SOHLH1: variants seen among roughly 807,000 people sequenced by gnomAD.
The protein encoded by SOHLH1 is spermatogenesis and oogenesis specific basic helix-loop-helix 1, also known as spermatogenesis- and oogenesis-specific basic helix-loop-helix-containing protein 1.
SOHLH1 carries 23 observed loss-of-function variants against 36.2 expected under a neutral mutation model. The ratio of observed to expected loss-of-function variants is 0.64; its 90% confidence interval spans 0.46 to 0.90. SOHLH1 has a LOEUF of 0.90. SOHLH1 is among the 40% of genes least tolerant of loss of function. SOHLH1 has a pLI of 0.00. For missense variants in SOHLH1, 608 were observed against 517.0 expected, an observed-to-expected ratio of 1.18 and a Z score of -1.71; for synonymous variants, 289 against 228.3, an observed-to-expected ratio of 1.27 and a Z score of -2.40.
upstream of SOHLH1, chr9:135,699,658 G>A (rs546968357): frequency 3.7e-4 from 244 of 655,182 alleles, 2 homozygotes; most frequent in Admixed American, 7.1e-4. Context: ...CGTGACCCGC[G>A]TTCCTGCAAA....
intron 4 of SOHLH1, among the ~76,000 whole-genome samples, chr9:135,697,066 G>A (rs890617542): frequency 2.0e-5 from 3 of 152,198 alleles, no homozygotes; most frequent in African/African-American, 7.2e-5. Flanking sequence ...AGCCTGCTTT[G>A]GGGTAAAATG....
intron 5 of SOHLH1, among the ~76,000 whole-genome samples, chr9:135,696,378 C>T (rs898054391): frequency 1.3e-5 from 2 of 152,124 alleles, no homozygotes; most frequent in Admixed American, 6.5e-5. Context: ...CTCCCTTCCT[C>T]GAGCCACACT....
rs769549005 is a variant in SOHLH1 at position 135,695,245 on chromosome 9, G to C, written c.680C>G (p.Pro227Arg). The C allele has an allele frequency of 5.6e-6, 9 of 1,598,358 alleles. No individual in the cohort carries two copies. The highest frequency in any genetic ancestry group is 1.7e-5 in the Admixed American group (1 of 57,446). ...PPFSEPSSLV[P>R]WPPGRSLPKA... ...AGGAAGACTCCGGCCTGGGGGCCAC[G>C]GCACCAGGCTGGAAGGTTCTGGGAG... The change falls in exon 6 of 8, where the codon CCG (proline) becomes CGG (arginine). Residue 227 changes from proline (P) to arginine (R), a missense_variant. Physicochemically the swap from Pro to Arg is moderately radical, Grantham distance 103. Transcript: ENST00000425225.
In SOHLH1 at chr9:135,697,590, T is replaced by G; in HGVS notation, c.383A>C (p.Gln128Pro). The G allele has an allele frequency of 6.2e-7, 1 of 1,612,296 alleles. No homozygotes were observed. The highest frequency in any genetic ancestry group is 1.1e-5 in the South Asian group (1 of 91,066). ...CAACGTCAACTGTAAAACATCCTCC[T>G]GCAACGAGTGCCACATTTCCTTGGA... The part of the protein sequence containing the change: ...ASSKEMWHSL[Q>P]EDVLQLTLSS... Residue 128 changes from glutamine (Q) to proline (P), a missense_variant, in exon 4 of 8, where the codon CAG (glutamine) becomes CCG (proline). Gln to Pro is a moderately conservative substitution (Grantham distance 76). Transcript: ENST00000425225.
intron 7 of SOHLH1, 36 bp from the exon 8 acceptor site, chr9:135,693,850 G>T: frequency 2.6e-6 from 4 of 1,526,856 alleles, no homozygotes; most frequent in Non-Finnish European, 3.5e-6. Context: ...AGGGCAGGCA[G>T]GTGCTCTGGG....
Position 135,695,071 on chromosome 9 carries a change from G to A in SOHLH1, c.854C>T (p.Pro285Leu), listed in dbSNP as rs1295920535. The A allele has an allele frequency of 3.8e-6, 6 of 1,597,352 alleles. No homozygotes were observed. Among genetic ancestry groups the A allele is most frequent in the Non-Finnish European group, 5.1e-6 (6 of 1,174,290 alleles). Residue 285 changes from proline (P) to leucine (L), a missense_variant, in exon 6 of 8, where the codon CCC (proline) becomes CTC (leucine). Pro to Leu is a moderately conservative substitution (Grantham distance 98, BLOSUM62 -3). Coordinates refer to ENST00000425225, the MANE Select transcript of SOHLH1 (RefSeq NM_001101677.2). ...TCACCCGGCCTCCTGCGCCAGCATGGGGTCCTCCTTGGCTGGCTCCCCCAG... is the reference window on the plus strand; with the variant it reads ...TCACCCGGCCTCCTGCGCCAGCATGAGGTCCTCCTTGGCTGGCTCCCCCAG... The part of the protein sequence containing the change: ...APLGEPAKED[P>L]MLAQEAGSAL...
At chr9:135,699,774 C>T (rs928913340), upstream of SOHLH1, among the ~76,000 whole-genome samples, 5 of 151,956 alleles carry the variant, frequency 3.3e-5, no homozygotes, top group Admixed American at 1.3e-4. Context: ...CCTTACCTTC[C>T]CGGGGGTCGC....
At position 135,696,614 on chromosome 9, in the gene SOHLH1, G is replaced by A; in HGVS notation, c.659C>T (p.Ser220Leu). Reference protein sequence around the residue: ...CQVRGGLPPFSEPSSLVPWPP... With the variant: ...CQVRGGLPPFLEPSSLVPWPP... Reference sequence around the variant, plus strand: ...CCACATGCACACCCAGGACTCACCTGAGAAAGGGGGCAGCCCACCCCGCAC... The same window carrying A: ...CCACATGCACACCCAGGACTCACCTAAGAAAGGGGGCAGCCCACCCCGCAC... Residue 220 changes from serine to leucine, a missense_variant and splice_region_variant, in exon 5 of 8, where the codon TCA becomes TTA. By Grantham distance (145) the Ser-to-Leu change is moderately radical. Transcript: ENST00000425225. 1 of 1,612,260 alleles carries A rather than the reference G, an allele frequency of 6.2e-7. No individual in the cohort carries two copies. Among genetic ancestry groups the A allele is most frequent in the Non-Finnish European group, 8.5e-7 (1 of 1,179,702 alleles).
chr9:135,696,236 C>G (rs1163475430), intron 5 of SOHLH1, among the ~76,000 whole-genome samples: 1 of 143,672 alleles, frequency 7.0e-6, no homozygotes, highest in Non-Finnish European at 1.6e-5. Context: ...CCCTCTACGT[C>G]CCCATGCTTC....
At position 135,694,055 on chromosome 9, in the gene SOHLH1, G is replaced by A. The variant is rs879136871; in HGVS notation, c.947-241C>T. 4.6e-5 allele frequency: 66 copies of A among 1,425,830 alleles called. No individual in the cohort carries two copies. Among genetic ancestry groups the A allele is most frequent in the South Asian group, 3.1e-4 (20 of 64,996 alleles). The allele number at this position is 1,425,830 out of a possible 1,614,324, so 88.3% of individuals were successfully genotyped here. A position where few individuals can be genotyped will look rare whatever the true frequency, so the allele number is the denominator to read the frequency against. ...TAAATCCTAAATGGAATGGACACAC[G>A]CCATGTCACAGGGCCATACACCTTT... On this transcript the variant is annotated intron_variant, in intron 7 of 7. Transcript: ENST00000425225.
rs373614932 is a variant in SOHLH1, at chr9:135,696,600, C to A, written c.661+12G>T. On this transcript the variant is annotated intron_variant, in intron 5 of 7. Transcript: ENST00000425225. Reference sequence around the variant, plus strand: ...AGGCCAAAGGCACCCCACATGCACACCCAGGACTCACCTGAGAAAGGGGGC... The same window carrying A: ...AGGCCAAAGGCACCCCACATGCACAACCAGGACTCACCTGAGAAAGGGGGC... The A allele has an allele frequency of 1.9e-6, 3 of 1,611,666 alleles. No individual in the cohort carries two copies. The highest frequency in any genetic ancestry group is 2.5e-6 in the Non-Finnish European group (3 of 1,179,632).
Position 135,693,778 on chromosome 9 carries a change from C to T in SOHLH1, c.983G>A (p.Trp328Ter). ...LEGRGGSGPA[W>*]APAESSPLDV... ...CAGTGGACTGCTCTCAGCTGGGGCC[C>T]ATGCAGGGCCACTGCCTCCTCGACC... The change falls in exon 8 of 8, where the codon TGG becomes TAG. Residue 328 changes from tryptophan to a stop codon, truncating the protein, a stop_gained. Transcript: ENST00000425225. LOFTEE classifies it low-confidence loss of function (END_TRUNC). 1 of 1,581,050 alleles carries T rather than the reference C, an allele frequency of 6.3e-7. No individual in the cohort carries two copies.
rs544856509 is a variant in SOHLH1, at chr9:135,698,237, G to A, written c.345+92C>T. 6.6e-5 allele frequency: 103 copies of A among 1,565,556 alleles called. No individual in the cohort carries two copies. In the South Asian group the frequency reaches 7.8e-4, roughly 12 times the overall value. ...GGAGACCCAGAGGGCTGAAGGAGAC[G>A]GGGATGACAGGGGACACACTGCCTG... On this transcript the variant is annotated intron_variant, in intron 3 of 7. Transcript: ENST00000425225.
upstream of SOHLH1, chr9:135,702,084 G>A: frequency 1.8e-6 from 1 of 554,752 alleles, no homozygotes; most frequent in Non-Finnish European, 3.1e-6. Context: ...CGCGGGTCCC[G>A]GCGCGGCCGG....
Position 135,695,247 on chromosome 9 carries a change from C to A in SOHLH1, c.678G>T (p.Val226=). Residue 226 remains valine, a synonymous_variant, in exon 6 of 8, where the codon GTG becomes GTT. Transcript: ENST00000425225. ...GAAGACTCCGGCCTGGGGGCCACGG[C>A]ACCAGGCTGGAAGGTTCTGGGAGAG... The part of the protein sequence containing the change: ...LPPFSEPSSL[V]PWPPGRSLPK... The A allele has an allele frequency of 6.3e-7, 1 of 1,597,636 alleles. No individual in the cohort carries two copies.
upstream of SOHLH1, among the ~76,000 whole-genome samples, chr9:135,701,599 A>T (rs1835036826): frequency 6.6e-6 from 1 of 152,104 alleles, no homozygotes; most frequent in Admixed American, 6.5e-5. Context: ...CACCCGTCTA[A>T]AGGTGCTGTG....
chr9:135,700,389 C>A (rs1171007051), upstream of SOHLH1, among the ~76,000 whole-genome samples: 1 of 152,010 alleles, frequency 6.6e-6, no homozygotes, highest in Non-Finnish European at 1.5e-5. Flanking sequence ...AGGTGGAGAC[C>A]CTTCCTCTTT....
At chr9:135,696,924 C>G in intron 4 of SOHLH1, 119 bp from the exon 5 acceptor site, 1 of 1,150,864 alleles carries the variant, frequency 8.7e-7, no homozygotes, top group Admixed American at 2.0e-5. Context: ...AGGCACCACC[C>G]AGCATCAAGC....
Position 135,694,963 on chromosome 9 carries a change from C to T in SOHLH1, c.875+87G>A. ...CTTCCAGATGCCGAGAAAGTGGGCC[C>T]AAGCAGGACTGGGAGGAGGTGGGAC... On this transcript the variant is annotated intron_variant, in intron 6 of 7. Transcript: ENST00000425225. 14 of 1,395,956 alleles carry T rather than the reference C, an allele frequency of 1.0e-5. No homozygotes were observed. The South Asian group carries it at 1.5e-4, about 15-fold the overall frequency. The allele number at this position is 1,395,956 out of a possible 1,614,324, so 86.5% of individuals were successfully genotyped here.
Sources: allele counts gnomAD v4.1 joint callset (sites outside exome capture counted in the v4.1 genomes callset), GRCh38; gene constraint gnomAD v4.1.1; transcripts MANE v1.5; gene names NCBI Gene and HGNC (gene_info 2026-07-23, HGNC 2026-07-21).